The following RINT1 variants were observed in gnomAD, a reference collection of about 807,000 sequenced individuals.
The protein encoded by RINT1 is RAD50-interacting protein 1.
RINT1 carries 75 observed loss-of-function variants against 97.7 expected under a neutral mutation model. The ratio of observed to expected loss-of-function variants is 0.77; its 90% CI spans 0.64 to 0.93. The LOEUF is 0.93. RINT1 is among the 40% of genes least tolerant of loss of function. The pLI is 0.00. For missense variants in RINT1, 892 were observed against 925.2 expected, an observed-to-expected ratio of 0.96 and a Z score of 0.47; for synonymous variants, 303 against 326.3, an observed-to-expected ratio of 0.93 and a Z score of 0.77.
At position 105,567,555 on chromosome 7, in the gene RINT1, G is replaced by A. The variant is rs1300232187; in HGVS notation, c.*244G>A. ...AATTCTATTTACAAGTATAAATGCT[G>A]AGTATGTCTGTTGAAGACGAGCAGA... On this transcript the variant is annotated 3_prime_UTR_variant, in exon 15 of 15. Coordinates refer to ENST00000257700, the MANE Select transcript of RINT1 (RefSeq NM_021930.6). The A allele has an allele frequency of 3.0e-6, 2 of 656,226 alleles. No individual in the cohort carries two copies. Among genetic ancestry groups the A allele is most frequent in the Non-Finnish European group, 5.4e-6 (2 of 369,962 alleles). 40.7% of individuals were successfully genotyped at this position (656,226 alleles called of 1,614,324 possible).
At chr7:105,541,476 A>C (rs1434985478) in intron 3 of RINT1, 1 of 150,754 alleles carries the variant, frequency 6.6e-6, no homozygotes, top group African/African-American at 2.4e-5. Flanking sequence ...CAGGTAGAGC[A>C]TGTATTAATA....
intron 12 of RINT1, among the ~76,000 whole-genome samples, chr7:105,564,774 G>A (rs1343310132): frequency 2.0e-5 from 3 of 152,150 alleles, no homozygotes; most frequent in African/African-American, 7.2e-5. Flanking sequence ...GCCAAGGCGG[G>A]CAGATTACTT....
At chr7:105,546,824 C>A in intron 4 of RINT1, 86 bp from the exon 5 acceptor site, 2 of 926,908 alleles carry the variant, frequency 2.2e-6, no homozygotes, top group Non-Finnish European at 3.2e-6. Flanking sequence ...TGCATTGAGC[C>A]AAATCATGCC....
chr7:105,546,422 A>G (rs1790669031), intron 4 of RINT1, among the ~76,000 whole-genome samples: 1 of 152,162 alleles, frequency 6.6e-6, no homozygotes, highest in Admixed American at 6.6e-5. Context: ...CTAGGCTCCC[A>G]GAGAGGCCTT....
At chr7:105,559,392 C>T (rs775269490) in intron 11 of RINT1, among the ~76,000 whole-genome samples, 6 of 151,758 alleles carry the variant, frequency 4.0e-5, no homozygotes, top group Non-Finnish European at 8.8e-5. Flanking sequence ...AATACAAAAA[C>T]TAGCCAGGCA....
rs1340018979 is a variant in RINT1 at position 105,563,961 on chromosome 7, G to A, written c.1886+14G>A. On this transcript the variant is annotated intron_variant, in intron 12 of 14. Transcript: ENST00000257700. The stretch of plus-strand genomic sequence containing the variant: ...TAAAAAAGAAAGGTATGTCCTCTAT[G>A]TAAGTCAGCTCTTAACACCAGTTTG... 2.5e-6 allele frequency: 4 copies of A among 1,582,722 alleles called. No homozygotes were observed. The African/African-American group carries it at 5.4e-5, about 21-fold the overall frequency.
At chr7:105,548,003 A>C (rs1417519139) in intron 6 of RINT1, among the ~76,000 whole-genome samples, 1 of 151,958 alleles carries the variant, frequency 6.6e-6, no homozygotes. Context: ...CTGGGATTAC[A>C]GGTGAGAGCC....
rs370831512 is a variant in RINT1 at position 105,555,177 on chromosome 7, A to G, written c.1621A>G (p.Asn541Asp). The G allele has an allele frequency of 5.6e-6, 9 of 1,614,088 alleles. No homozygotes were observed. Among genetic ancestry groups the G allele is most frequent in the Non-Finnish European group, 7.6e-6 (9 of 1,179,996 alleles). ...SLGFRYCAIL[N>D]AVNYISTVLA... ...TGGCTTTCGATACTGTGCAATTCTTAATGCTGTGAACTACATCTCAACAGT... is the reference window on the plus strand; with the variant it reads ...TGGCTTTCGATACTGTGCAATTCTTGATGCTGTGAACTACATCTCAACAGT... The change falls in exon 11 of 15, where the codon AAT becomes GAT. Residue 541 changes from asparagine (N) to aspartate (D), a missense_variant. By Grantham distance (23) the Asn-to-Asp change is conservative. Transcript: ENST00000257700.
At chr7:105,532,383 A>T (rs1458710590) in intron 1 of RINT1, 26 bp downstream of exon 1, 1 of 1,595,536 alleles carries the variant, frequency 6.3e-7, no homozygotes, top group Admixed American at 1.7e-5. Flanking sequence ...CGTCCCTGGG[A>T]GGGGACATTG....
chr7:105,554,435 TTC>T (rs1290605775), intron 10 of RINT1, among the ~76,000 whole-genome samples: 3 of 150,676 alleles, frequency 2.0e-5, no homozygotes, highest in Non-Finnish European at 4.4e-5. Flanking sequence ...TCATTTTTTT[TTC>T]TTTCTTTTTT....
intron 9 of RINT1, among the ~76,000 whole-genome samples, chr7:105,551,193 C>T (rs1001864237): frequency 6.6e-6 from 1 of 152,176 alleles, no homozygotes; most frequent in African/African-American, 2.4e-5. Flanking sequence ...CCATGCCTGG[C>T]TACTTTTTGT....
At chr7:105,553,604 T>TG (rs1475006349) in intron 10 of RINT1, among the ~76,000 whole-genome samples, 1 of 149,266 alleles carries the variant, frequency 6.7e-6, no homozygotes, top group Non-Finnish European at 1.5e-5. Context: ...CTACTAGAGA[T>TG]GGGGTTTCAT....
chr7:105,543,051 AT>A (rs929677870), intron 4 of RINT1, among the ~76,000 whole-genome samples: 34 of 146,298 alleles, frequency 2.3e-4, no homozygotes, highest in Admixed American at 3.4e-4. Context: ...TGCCTGGCTA[AT>A]TTTTTTTTTT....
At position 105,563,863 on chromosome 7, in the gene RINT1, G is replaced by T. The variant is rs747456943; in HGVS notation, c.1802G>T (p.Arg601Leu). 7 of 1,613,980 alleles carry T rather than the reference G, an allele frequency of 4.3e-6. No individual in the cohort carries two copies. Among genetic ancestry groups the T allele is most frequent in the Admixed American group, 1.7e-5 (1 of 59,984 alleles). ...GATGACATGATTAACCTCTTAGAAC[G>T]TTTAAAGCATGATATGTTGACCCGT... ...VFDDMINLLE[R>L]LKHDMLTRQV... is the part of the protein sequence containing the mutation. The change falls in exon 12 of 15, where the codon CGT (arginine) becomes CTT (leucine). Residue 601 changes from arginine to leucine, a missense_variant. By Grantham distance (102) the Arg-to-Leu change is moderately radical. Coordinates refer to ENST00000257700, the MANE Select transcript of RINT1 (RefSeq NM_021930.6).
Position 105,565,361 on chromosome 7 carries a change from C to G in RINT1, c.1971C>G (p.Asp657Glu), listed in dbSNP as rs141684814. Reference sequence around the variant, plus strand: ...GCCCGTTGCTGCTGACGTTACGAGACCATTTACTTCAGTTGGAGCAGCAGC... The same window carrying G: ...GCCCGTTGCTGCTGACGTTACGAGAGCATTTACTTCAGTTGGAGCAGCAGC... ...SACPLLLTLR[D>E]HLLQLEQQLC... Residue 657 changes from aspartate to glutamate, a missense_variant, in exon 13 of 15, where the codon GAC (aspartate) becomes GAG (glutamate). By Grantham distance (45) the Asp-to-Glu change is conservative. Transcript: ENST00000257700. The G allele has an allele frequency of 3.1e-6, 5 of 1,614,156 alleles. No homozygotes were observed. Among genetic ancestry groups the G allele is most frequent in the Non-Finnish European group, 1.7e-6 (2 of 1,180,008 alleles).
At chr7:105,555,261 T>A in intron 11 of RINT1, 34 bp downstream of exon 11, 1 of 1,513,654 alleles carries the variant, frequency 6.6e-7, no homozygotes, top group Non-Finnish European at 9.1e-7. Context: ...AAGTAATATA[T>A]ACTAGTTCGA....
chr7:105,544,027 G>C (rs1790563242), intron 4 of RINT1, among the ~76,000 whole-genome samples: 1 of 151,876 alleles, frequency 6.6e-6, no homozygotes, highest in Non-Finnish European at 1.5e-5. Context: ...TTGGACTCGG[G>C]AGGCAGAGGT....
chr7:105,558,411 C>T (rs1293620643), intron 11 of RINT1, among the ~76,000 whole-genome samples: 4 of 152,094 alleles, frequency 2.6e-5, no homozygotes, highest in Non-Finnish European at 5.9e-5. Flanking sequence ...GCTCCATATT[C>T]TGCTAAGCGT....
intron 14 of RINT1, 57 bp downstream of exon 14, chr7:105,565,705 C>T: frequency 1.7e-6 from 2 of 1,145,330 alleles, no homozygotes; most frequent in Non-Finnish European, 2.6e-6. Context: ...AGGAGGCTAA[C>T]TCCTTTTAAC....
Sources: allele counts gnomAD v4.1 joint callset (sites outside exome capture counted in the v4.1 genomes callset), GRCh38; gene constraint gnomAD v4.1.1; transcripts MANE v1.5; gene names NCBI Gene and HGNC (gene_info 2026-07-23, HGNC 2026-07-21).